RBM26: variants seen among roughly 807,000 people sequenced by gnomAD.
RBM26 encodes RNA binding motif protein 26, also known as RNA-binding protein 26.
In RBM26, 30 loss-of-function variants were observed where a neutral mutation model predicts 123.6. That is an observed-to-expected ratio of 0.24 (90% CI 0.18 to 0.33). RBM26 has a LOEUF of 0.33. RBM26 is among the 10% of genes least tolerant of loss of function. The pLI, the probability that RBM26 is intolerant of heterozygous loss-of-function variation, is 1.00. For missense variants in RBM26, 947 were observed against 1,203.6 expected (o/e 0.79, Z 3.15); for synonymous variants, 400 against 404.4 (o/e 0.99, Z 0.13).
chr13:79,318,315 C>A (rs1215516980), downstream of RBM26, among the ~76,000 whole-genome samples: 1 of 151,132 alleles, frequency 6.6e-6, no homozygotes, highest in Non-Finnish European at 1.5e-5. Flanking sequence ...TTTTCACCCA[C>A]TAGCTATGAC....
intron 1 of RBM26, among the ~76,000 whole-genome samples, chr13:79,403,297 CCA>C (rs1403104534): frequency 6.6e-6 from 1 of 152,006 alleles, no homozygotes; most frequent in African/African-American, 2.4e-5. Context: ...ATTACAATTC[CCA>C]GTGTCTAGGC....
intron 18 of RBM26, among the ~76,000 whole-genome samples, chr13:79,338,602 T>C (rs1159906163): frequency 1.3e-5 from 2 of 152,166 alleles, no homozygotes; most frequent in Non-Finnish European, 2.9e-5. Context: ...TTAAGGATCA[T>C]GTTAAGGATT....
chr13:79,387,339 T>C (rs949810270), intron 1 of RBM26, among the ~76,000 whole-genome samples: 2 of 152,046 alleles, frequency 1.3e-5, no homozygotes, highest in South Asian at 2.1e-4. Flanking sequence ...TTTAGTTAAA[T>C]TCTGGTTGCT....
chr13:79,334,360 CTT>C lies in RBM26; in HGVS notation c.2802_2803del (p.Arg935SerfsTer4). 1 of 1,551,748 alleles carries C rather than the reference CTT, an allele frequency of 6.4e-7. No homozygotes were observed. Among genetic ancestry groups the C allele is most frequent in the Non-Finnish European group, 8.7e-7 (1 of 1,144,482 alleles). ...AAAACTTACTGCTTCAGCTTCTGCT[CTT>C]GTCTTGAATGTAATTACTGCATGAA... On this transcript the variant is annotated frameshift_variant, in exon 20 of 22. Coordinates refer to ENST00000438737, the MANE Select transcript of RBM26 (RefSeq NM_001366735.2). LOFTEE classifies it high-confidence loss of function.
intron 20 of RBM26, among the ~76,000 whole-genome samples, chr13:79,325,732 G>C (rs1396346527): frequency 6.6e-6 from 1 of 152,082 alleles, no homozygotes; most frequent in African/African-American, 2.4e-5. Context: ...TATAGCCTAA[G>C]TGTACAGTGT....
chr13:79,401,536 T>C (rs1283648815), intron 1 of RBM26, among the ~76,000 whole-genome samples: 1 of 152,308 alleles, frequency 6.6e-6, no homozygotes, highest in Middle Eastern at 3.4e-3. Context: ...TCATAAAACT[T>C]GTAAGTACAA....
intron 14 of RBM26, among the ~76,000 whole-genome samples, chr13:79,350,295 TAAAG>T (rs1380050343): frequency 6.6e-6 from 1 of 152,192 alleles, no homozygotes; most frequent in Admixed American, 6.5e-5. Context: ...GCTGATATGA[TAAAG>T]AAGATTAAAT....
chr13:79,366,990 ATAAT>A (rs1190818383), intron 6 of RBM26, 118 bp from the exon 7 acceptor site: 1 of 821,232 alleles, frequency 1.2e-6, no homozygotes, highest in Non-Finnish European at 1.8e-6. Flanking sequence ...GGACAAAAGT[ATAAT>A]TAACCATTTC....
chr13:79,315,134 G>A, downstream of RBM26: 1 of 428,780 alleles, frequency 2.3e-6, no homozygotes, highest in Non-Finnish European at 4.3e-6. Context: ...CAAAGTTGCA[G>A]GAAAATTACA....
In RBM26 at chr13:79,320,102, T is replaced by C. The variant is rs2067518643; in HGVS notation, c.*519A>G. Reference sequence around the variant, plus strand: ...TATCATTAAAACCCATATGGTAAAATACATACACAGTCCAACAAAAGGCTA... The same window carrying C: ...TATCATTAAAACCCATATGGTAAAACACATACACAGTCCAACAAAAGGCTA... On this transcript the variant is annotated 3_prime_UTR_variant, in exon 22 of 22. Transcript: ENST00000438737. The C allele has an allele frequency of 1.0e-6, 1 of 974,912 alleles. No homozygotes were observed. The highest frequency in any genetic ancestry group is 1.2e-6 in the Non-Finnish European group (1 of 820,726). The allele number at this position is 974,912 out of a possible 1,614,324, so 60.4% of individuals were successfully genotyped here.
At chr13:79,403,839 A>G (rs966016337) in intron 1 of RBM26, among the ~76,000 whole-genome samples, 1 of 152,178 alleles carries the variant, frequency 6.6e-6, no homozygotes, top group Non-Finnish European at 1.5e-5. Context: ...TAAGGTTACC[A>G]ATGACTTCCA....
chr13:79,366,588 T>C, intron 7 of RBM26, 45 bp downstream of exon 7: 2 of 1,478,418 alleles, frequency 1.4e-6, no homozygotes, highest in Non-Finnish European at 1.8e-6. Flanking sequence ...AAAAATAGAC[T>C]AAGAATGGCT....
intron 18 of RBM26, among the ~76,000 whole-genome samples, chr13:79,340,290 A>G (rs2071156581): frequency 6.6e-6 from 1 of 152,078 alleles, no homozygotes; most frequent in Non-Finnish European, 1.5e-5. Flanking sequence ...GAGAAGACAG[A>G]GCTTTAAGGC....
At chr13:79,350,380 A>C (rs1368662293) in intron 14 of RBM26, among the ~76,000 whole-genome samples, 1 of 152,206 alleles carries the variant, frequency 6.6e-6, no homozygotes, top group Non-Finnish European at 1.5e-5. Context: ...GAACGGTCTT[A>C]AGTCTGTTTT....
In RBM26 at chr13:79,380,408, T is replaced by A. The variant is rs1387660214; in HGVS notation, c.72-1501A>T. On this transcript the variant is annotated intron_variant, in intron 1 of 21. Coordinates refer to ENST00000438737, the MANE Select transcript of RBM26 (RefSeq NM_001366735.2). Reference sequence around the variant, plus strand: ...AAGAGAGAAATCTGGTTTATATATATGTGGAAGGATAAATAAACTACGGCT... The same window carrying A: ...AAGAGAGAAATCTGGTTTATATATAAGTGGAAGGATAAATAAACTACGGCT... Among the ~76,000 whole-genome samples the A allele has an allele frequency of 2.0e-5, 3 of 151,728 alleles. No individual in the cohort carries two copies. In the East Asian group the frequency reaches 5.8e-4, roughly 29 times the overall value.
intron 1 of RBM26, among the ~76,000 whole-genome samples, chr13:79,402,065 A>C (rs1444403108): frequency 2.0e-5 from 3 of 150,532 alleles, no homozygotes; most frequent in African/African-American, 7.3e-5. Flanking sequence ...AAGTCCACCT[A>C]AAAGTTTTAA....
intron 13 of RBM26, 55 bp from the exon 14 acceptor site, chr13:79,353,279 T>C (rs186530322): frequency 3.9e-6 from 4 of 1,036,522 alleles, no homozygotes; most frequent in African/African-American, 1.6e-5. Context: ...TAAAAGTCTG[T>C]TGGGATCTTG....
intron 3 of RBM26, among the ~76,000 whole-genome samples, chr13:79,372,281 A>AAAAC (rs1329499128): frequency 2.7e-4 from 41 of 152,206 alleles, no homozygotes; most frequent in African/African-American, 8.4e-4. Flanking sequence ...GCTCTGCCTC[A>AAAAC]AAACAAACAA....
chr13:79,365,768 G>T, intron 8 of RBM26, 50 bp from the exon 9 acceptor site: 1 of 1,536,608 alleles, frequency 6.5e-7, no homozygotes, highest in Non-Finnish European at 8.9e-7. Flanking sequence ...ACTCCACTTG[G>T]TAATTTTTTA....
Sources: gnomAD v4.1 joint callset for allele counts (sites outside exome capture counted in the v4.1 genomes callset) on GRCh38, gnomAD v4.1.1 for gene constraint, MANE v1.5 for transcripts, NCBI Gene and HGNC (gene_info 2026-07-23, HGNC 2026-07-21) for gene names.